Variants in MAN1B1 observed in about 807,000 individuals in gnomAD.
The protein encoded by MAN1B1 is mannosidase alpha class 1B member 1.
In MAN1B1, 66 loss-of-function variants were observed where a neutral mutation model predicts 75.5. That is an observed-to-expected ratio of 0.87 (90% CI 0.72 to 1.07). The LOEUF (loss-of-function observed/expected upper bound fraction) is 1.07. Ranked by LOEUF, MAN1B1 falls within the 50% of genes least tolerant of loss-of-function variation. MAN1B1 has a pLI of 0.00. For missense variants in MAN1B1, 973 were observed against 912.5 expected, an observed-to-expected ratio of 1.07 and a Z score of -0.85; for synonymous variants, 453 against 382.8, an observed-to-expected ratio of 1.18 and a Z score of -2.14.
intron 8 of MAN1B1, chr9:137,102,419 G>A: frequency 2.3e-6 from 1 of 440,904 alleles, no homozygotes; most frequent in Admixed American, 2.5e-5. Context: ...AGGCGTGCAG[G>A]TTGGTGGTGT....
At position 137,108,921 on chromosome 9, in the gene MAN1B1, G is replaced by A. The variant is rs780433673; in HGVS notation, c.*330G>A. 1.3e-4 allele frequency: 66 copies of A among 506,234 alleles called. No individual in the cohort carries two copies. The Middle Eastern group carries it at 1.5e-3, about 11-fold the overall frequency. The allele number at this position is 506,234 out of a possible 1,614,324, so 31.4% of individuals were successfully genotyped here. On this transcript the variant is annotated 3_prime_UTR_variant, in exon 13 of 13. Transcript: ENST00000371589. ...CTTCGAGGTGGTCCCTGGTACTGGG[G>A]TGACCGAGTGGACAGCCCAGGGTGC...
chr9:137,107,833 C>T, intron 12 of MAN1B1, 171 bp downstream of exon 12: 2 of 827,998 alleles, frequency 2.4e-6, no homozygotes, highest in Non-Finnish European at 4.0e-6. Flanking sequence ...GCCCTGGCAT[C>T]CCCATCCCCA....
chr9:137,087,265 C>T (rs1348864942), intron 1 of MAN1B1, 47 bp downstream of exon 1: 2 of 1,538,834 alleles, frequency 1.3e-6, no homozygotes, highest in African/African-American at 1.4e-5. Flanking sequence ...GCCGTGCCCG[C>T]CGCCCTCCCA....
Position 137,101,173 on chromosome 9 carries a change from C to T in MAN1B1, c.1065+20C>T. The T allele has an allele frequency of 6.2e-7, 1 of 1,613,204 alleles. No homozygotes were observed. Among genetic ancestry groups the T allele is most frequent in the Non-Finnish European group, 8.5e-7 (1 of 1,179,958 alleles). ...AAAGCTGTAAGTGTCTTGGGGTGTC[C>T]TGCAGGGAGATGGTGGACTCGCATT... On this transcript the variant is annotated intron_variant, in intron 7 of 12. Transcript: ENST00000371589.
At chr9:137,103,847 A>G (rs1472990985) in intron 8 of MAN1B1, 1 of 446,642 alleles carries the variant, frequency 2.2e-6, no homozygotes, top group East Asian at 7.2e-5. Flanking sequence ...TGTTACACAC[A>G]TTCACACTTG....
chr9:137,088,276 G>A, intron 2 of MAN1B1, 93 bp downstream of exon 2: 3 of 1,612,358 alleles, frequency 1.9e-6, no homozygotes, highest in Non-Finnish European at 2.5e-6. Flanking sequence ...AGCTCCAGGA[G>A]GCATATATGG....
intron 3 of MAN1B1, among the ~76,000 whole-genome samples, chr9:137,094,753 G>A (rs1017936396): frequency 2.6e-5 from 4 of 151,990 alleles, no homozygotes; most frequent in South Asian, 2.1e-4. Context: ...GGTGGCGGGC[G>A]CCTGTAATCC....
intron 1 of MAN1B1, 102 bp downstream of exon 1, chr9:137,087,320 C>G: frequency 7.6e-7 from 1 of 1,308,546 alleles, no homozygotes; most frequent in Non-Finnish European, 1.0e-6. Context: ...CTCGACTCCC[C>G]AGGCGCCGCC....
intron 8 of MAN1B1, chr9:137,105,696 G>A (rs374245180): frequency 2.6e-5 from 9 of 347,132 alleles, no homozygotes; most frequent in Admixed American, 8.2e-5. Flanking sequence ...CCAGGAGGGC[G>A]TGGAGCCGAG....
chr9:137,108,162 G>T (rs1170812721), intron 12 of MAN1B1: 1 of 615,040 alleles, frequency 1.6e-6, no homozygotes, highest in Non-Finnish European at 2.9e-6. Context: ...CCCAGGTTCT[G>T]GGGGAGGCGG....
intron 3 of MAN1B1, among the ~76,000 whole-genome samples, chr9:137,093,883 A>G (rs538524430): frequency 6.6e-6 from 1 of 152,134 alleles, no homozygotes; most frequent in African/African-American, 2.4e-5. Flanking sequence ...CTGTAAATCC[A>G]TTGACTCCCT....
At chr9:137,107,138 T>C in intron 10 of MAN1B1, 112 bp from the exon 11 acceptor site, 1 of 1,224,500 alleles carries the variant, frequency 8.2e-7, no homozygotes, top group South Asian at 1.4e-5. Flanking sequence ...TGGCCTCCCC[T>C]CCCAGGGTAC....
chr9:137,099,558 C>T (rs917515924), intron 5 of MAN1B1, 138 bp from the exon 6 acceptor site: 35 of 905,524 alleles, frequency 3.9e-5, no homozygotes, highest in Non-Finnish European at 6.1e-5. Flanking sequence ...CTGTGCCCAC[C>T]ACCGCCCTTC....
chr9:137,097,043 G>A (rs1830670845), intron 4 of MAN1B1, among the ~76,000 whole-genome samples: 1 of 152,230 alleles, frequency 6.6e-6, no homozygotes, highest in African/African-American at 2.4e-5. Flanking sequence ...CCGAAGAAAC[G>A]GGCCCAGAGG....
rs2131012664 is a variant in MAN1B1, at chr9:137,099,858, T to C, written c.893T>C (p.Met298Thr). The C allele has an allele frequency of 6.2e-7, 1 of 1,614,158 alleles. No homozygotes were observed. The highest frequency in any genetic ancestry group is 1.3e-5 in the African/African-American group (1 of 75,062). ...ACACTGATCGACGCGCTGGACACCA[T>C]GTGGATCTTGGGTCTGAGGAAAGGT... is the stretch of plus-strand genomic sequence containing the variant. The part of the protein sequence containing the change: ...GLTLIDALDT[M>T]WILGLRKEFE... The change falls in exon 6 of 13, where the codon ATG (methionine) becomes ACG (threonine). Residue 298 changes from methionine to threonine, a missense_variant. Physicochemically the swap from Met to Thr is moderately conservative, Grantham distance 81. Transcript: ENST00000371589.
chr9:137,091,592 T>C (rs1346467573), intron 3 of MAN1B1, among the ~76,000 whole-genome samples: 1 of 139,670 alleles, frequency 7.2e-6, no homozygotes, highest in Admixed American at 7.8e-5. Context: ...AGTAGCGCAA[T>C]CTCAGGTCAC....
intron 9 of MAN1B1, 86 bp downstream of exon 9, chr9:137,106,401 C>G: frequency 7.9e-7 from 1 of 1,266,278 alleles, no homozygotes; most frequent in Non-Finnish European, 1.1e-6. Flanking sequence ...TCCCACGGCC[C>G]CCGCTCCTGC....
chr9:137,100,280 G>A (rs756771641), intron 6 of MAN1B1, among the ~76,000 whole-genome samples: 6 of 152,230 alleles, frequency 3.9e-5, no homozygotes, highest in Admixed American at 6.5e-5. Flanking sequence ...GGTTATTTAA[G>A]CGATAATTTA....
chr9:137,089,392 G>A, intron 3 of MAN1B1: 2 of 319,236 alleles, frequency 6.3e-6, no homozygotes, highest in South Asian at 5.4e-5. Flanking sequence ...CTGGTCCTGA[G>A]GGTTCAGGGG....
Sources: allele counts gnomAD v4.1 joint callset (sites outside exome capture counted in the v4.1 genomes callset), GRCh38; gene constraint gnomAD v4.1.1; transcripts MANE v1.5; gene names NCBI Gene and HGNC (gene_info 2026-07-23, HGNC 2026-07-21).